Variants in TRPM7 observed in about 807,000 individuals in gnomAD.
The protein encoded by TRPM7 is transient receptor potential cation channel subfamily M member 7, also known as LTRPC ion channel family member 7.
TRPM7 carries 134 observed loss-of-function variants against 229.7 expected under a neutral mutation model. That is an observed-to-expected ratio of 0.58 (90% confidence interval 0.51 to 0.67). TRPM7 has a LOEUF of 0.67. Ranked by LOEUF, TRPM7 falls within the 30% of genes least tolerant of loss-of-function variation. TRPM7 has a pLI of 0.00. For synonymous variants in TRPM7, 699 were observed against 715.2 expected, an observed-to-expected ratio of 0.98 and a Z score of 0.36; for missense variants, 1,901 against 2,210.0, an observed-to-expected ratio of 0.86 and a Z score of 2.80.
At chr15:50,613,232 G>A (rs898935643) in intron 15 of TRPM7, among the ~76,000 whole-genome samples, 4 of 152,182 alleles carry the variant, frequency 2.6e-5, no homozygotes, top group South Asian at 2.1e-4. Flanking sequence ...CGCTGGGCGC[G>A]GTGGCCCACG....
At chr15:50,579,170 GCACCAAATGCA>G (rs2054280076) in intron 30 of TRPM7, among the ~76,000 whole-genome samples, 1 of 152,066 alleles carries the variant, frequency 6.6e-6, no homozygotes, top group Non-Finnish European at 1.5e-5. Flanking sequence ...ACATACACTG[GCACCAAATGCA>G]GGTTCTTTTA....
At chr15:50,679,751 T>C (rs947598915) in intron 1 of TRPM7, among the ~76,000 whole-genome samples, 2 of 150,306 alleles carry the variant, frequency 1.3e-5, no homozygotes, top group Admixed American at 6.6e-5. Context: ...GCCAGGCTGG[T>C]CTCAAACTCC....
chr15:50,601,555 T>A (rs1174611021), intron 21 of TRPM7, among the ~76,000 whole-genome samples: 1 of 152,110 alleles, frequency 6.6e-6, no homozygotes, highest in Non-Finnish European at 1.5e-5. Flanking sequence ...GGCAGAAGAA[T>A]CGCTTGAATC....
At chr15:50,632,044 T>C (rs1485060867) in intron 9 of TRPM7, among the ~76,000 whole-genome samples, 2 of 152,210 alleles carry the variant, frequency 1.3e-5, no homozygotes, top group Non-Finnish European at 2.9e-5. Context: ...GGCTCATGCT[T>C]GTAATCCCAG....
chr15:50,592,661 G>A, intron 25 of TRPM7, 35 bp from the exon 26 acceptor site: 37 of 1,357,986 alleles, frequency 2.7e-5, no homozygotes, highest in East Asian at 7.2e-5. Context: ...TTACAAATGT[G>A]AAAAAATAAT....
At chr15:50,646,101 A>G (rs1349815500) in intron 4 of TRPM7, among the ~76,000 whole-genome samples, 1 of 128,540 alleles carries the variant, frequency 7.8e-6, no homozygotes, top group South Asian at 2.8e-4. Context: ...TGGGCAACAG[A>G]GCGAGTCTCA....
At position 50,574,278 on chromosome 15, in the gene TRPM7, C is replaced by T. The variant is rs777981045; in HGVS notation, c.5304G>A (p.Leu1768=). ...YTRGELLVLD[L]QGVGENLTDP... is the part of the protein sequence containing the mutation. ...GCAATATTTTAATAAATTTACCTTG[C>T]AAATCAAGTACCAGTAACTCCCCTC... The change falls in exon 36 of 39, where the codon TTG becomes TTA. Residue 1768 remains leucine, a synonymous_variant. Coordinates refer to ENST00000646667, the MANE Select transcript of TRPM7 (RefSeq NM_017672.6). The T allele has an allele frequency of 3.7e-6, 6 of 1,612,766 alleles. No individual in the cohort carries two copies. The highest frequency in any genetic ancestry group is 3.3e-5 in the Admixed American group (2 of 59,960).
chr15:50,619,242 A>G (rs1278207409), intron 13 of TRPM7, among the ~76,000 whole-genome samples: 1 of 145,584 alleles, frequency 6.9e-6, no homozygotes, highest in Admixed American at 6.9e-5. Flanking sequence ...TTTTTTTGAG[A>G]CAGAGTCTCA....
At chr15:50,644,924 C>T (rs1337688720) in intron 4 of TRPM7, among the ~76,000 whole-genome samples, 2 of 150,738 alleles carry the variant, frequency 1.3e-5, no homozygotes, top group Non-Finnish European at 1.5e-5. Context: ...TTTTTTTAGA[C>T]ACGGTCAGGC....
intron 5 of TRPM7, among the ~76,000 whole-genome samples, chr15:50,642,257 TAC>T (rs989875580): frequency 6.6e-6 from 1 of 152,220 alleles, no homozygotes; most frequent in Admixed American, 6.5e-5. Context: ...TGCTTTGCTC[TAC>T]AGTAGGGTCA....
chr15:50,575,169 T>C (rs1286347959), intron 33 of TRPM7, 34 bp from the exon 34 acceptor site: 2 of 1,518,384 alleles, frequency 1.3e-6, no homozygotes, highest in African/African-American at 1.4e-5. Context: ...TAAGATTAAA[T>C]TGTGACTTTT....
At chr15:50,684,918 G>A (rs1352694854) in intron 1 of TRPM7, among the ~76,000 whole-genome samples, 1 of 152,146 alleles carries the variant, frequency 6.6e-6, no homozygotes, top group African/African-American at 2.4e-5. Flanking sequence ...GAAATATGCT[G>A]AATATTTAAT....
intron 29 of TRPM7, among the ~76,000 whole-genome samples, chr15:50,581,703 C>G (rs1218046879): frequency 6.6e-6 from 1 of 151,746 alleles, no homozygotes; most frequent in Admixed American, 6.6e-5. Context: ...TTTTTACTTC[C>G]CCAGTTTGAG....
chr15:50,663,425 CCA>C (rs2061786706), intron 1 of TRPM7, among the ~76,000 whole-genome samples: 1 of 152,160 alleles, frequency 6.6e-6, no homozygotes, highest in Non-Finnish European at 1.5e-5. Flanking sequence ...CGTGCCCGGC[CCA>C]TAAACACTTC....
intron 7 of TRPM7, among the ~76,000 whole-genome samples, chr15:50,635,545 C>T (rs1045559982): frequency 7.3e-5 from 11 of 150,944 alleles, no homozygotes; most frequent in East Asian, 5.9e-4. Flanking sequence ...CGCCTGCAGT[C>T]CCAGCTACTC....
At position 50,589,603 on chromosome 15, in the gene TRPM7, T is replaced by C; in HGVS notation, c.4378A>G (p.Lys1460Glu). 6.3e-7 allele frequency: 1 copy of C among 1,578,372 alleles called. No homozygotes were observed. The highest frequency in any genetic ancestry group is 8.7e-7 in the Non-Finnish European group (1 of 1,151,278). The change falls in exon 27 of 39, where the codon AAA (lysine) becomes GAA (glutamate). Residue 1460 changes from lysine (K) to glutamate (E), a missense_variant. Lys to Glu is a moderately conservative substitution (Grantham distance 56, BLOSUM62 1). Around this residue, in one of 8 missense-constraint regions of TRPM7, gnomAD observed 533 missense variants for 497.1 expected, o/e 1.07. Transcript: ENST00000646667. ...QRFKETSNKI[K>E]ILSNNNTSEN... ...AAGGATTTACTTACGGATAGTATTTTTATCTTGTTTGATGTTTCTTTAAAC... is the reference window on the plus strand; with the variant it reads ...AAGGATTTACTTACGGATAGTATTTCTATCTTGTTTGATGTTTCTTTAAAC...
chr15:50,581,003 G>A, intron 29 of TRPM7, 95 bp from the exon 30 acceptor site: 1 of 1,290,698 alleles, frequency 7.7e-7, no homozygotes, highest in Non-Finnish European at 1.1e-6. Flanking sequence ...TATATTTTAA[G>A]AATGAAAGGC....
chr15:50,636,362 T>C (rs1567054839), intron 7 of TRPM7, among the ~76,000 whole-genome samples: 1 of 152,054 alleles, frequency 6.6e-6, no homozygotes. Context: ...GGCTAATTTT[T>C]GTATTTTTAG....
intron 26 of TRPM7, among the ~76,000 whole-genome samples, chr15:50,590,825 TA>T (rs34051921): frequency 2.6e-3 from 308 of 118,004 alleles, no homozygotes; most frequent in Middle Eastern, 9.8e-3. Context: ...CTCCGTCTTT[TA>T]AAAAAAAAAA....
Sources: allele counts gnomAD v4.1 joint callset (sites outside exome capture counted in the v4.1 genomes callset), GRCh38; gene constraint gnomAD v4.1.1; regional missense constraint gnomAD v4.1.1; transcripts MANE v1.5; gene names NCBI Gene and HGNC (gene_info 2026-07-23, HGNC 2026-07-21).